Variants in PTPRT observed in about 807,000 individuals in gnomAD.
PTPRT encodes the protein protein tyrosine phosphatase receptor type T, also known as receptor-type tyrosine-protein phosphatase T.
A neutral mutation model predicts 176.8 loss-of-function variants in PTPRT; 56 were observed. That is an observed-to-expected ratio of 0.32 (90% CI 0.26 to 0.40). The LOEUF is 0.40. Ranked by LOEUF, PTPRT falls within the 10% of genes least tolerant of loss-of-function variation. The probability of loss-of-function intolerance (pLI) is 1.00; values close to 1 mark genes in which losing one functional copy is unlikely to be tolerated. For synonymous variants in PTPRT, 783 were observed against 739.0 expected, an observed-to-expected ratio of 1.06 and a Z score of -0.96; for missense variants, 1,540 against 1,908.2, an observed-to-expected ratio of 0.81 and a Z score of 3.60.
At chr20:42,108,915 CTGATGATAAACAAACATTTGCCATT>C (rs1986762221) in intron 23 of PTPRT, among the ~76,000 whole-genome samples, 1 of 152,142 alleles carries the variant, frequency 6.6e-6, no homozygotes, top group Non-Finnish European at 1.5e-5. Flanking sequence ...CGCCGAAGTC[CTGATGATAAACAAACATTTGCCATT>C]GTCTTTCTTT....
At chr20:42,717,278 AACAAG>A (rs1378946141) in intron 6 of PTPRT, among the ~76,000 whole-genome samples, 2 of 104,742 alleles carry the variant, frequency 1.9e-5, no homozygotes, top group Non-Finnish European at 4.4e-5. Flanking sequence ...CAATTAAGAC[AACAAG>A]ACATCAAAAT....
At chr20:42,110,579 C>T (rs965135108) in intron 22 of PTPRT, 92 bp from the exon 23 acceptor site, 2 of 1,377,796 alleles carry the variant, frequency 1.5e-6, no homozygotes, top group South Asian at 3.4e-5. Flanking sequence ...CACTGAGGAA[C>T]CTCCCGCAGG....
At chr20:42,862,486 G>A (rs943266067) in intron 2 of PTPRT, among the ~76,000 whole-genome samples, 3 of 152,128 alleles carry the variant, frequency 2.0e-5, no homozygotes, top group African/African-American at 7.2e-5. Flanking sequence ...GGAAGTTGGG[G>A]TCCACCTGCT....
chr20:42,429,051 T>C (rs140122269), intron 9 of PTPRT, among the ~76,000 whole-genome samples: 1 of 152,304 alleles, frequency 6.6e-6, no homozygotes, highest in African/African-American at 2.4e-5. Flanking sequence ...TGTGGCTAAC[T>C]AGTTAAGTGG....
chr20:42,056,507 C>T, the PTPRT span, among the ~76,000 whole-genome samples: 1 of 152,174 alleles, frequency 6.6e-6, no homozygotes, highest in Non-Finnish European at 1.5e-5. Flanking sequence ...CACCAAATAT[C>T]TTCTTTATGC....
intron 1 of PTPRT, among the ~76,000 whole-genome samples, chr20:43,174,884 C>T (rs2015089622): frequency 1.3e-5 from 2 of 152,144 alleles, no homozygotes; most frequent in South Asian, 2.1e-4. Context: ...TAATCTTTAT[C>T]AAAGATATCC....
At chr20:42,373,135 C>A (rs149590392) in intron 9 of PTPRT, among the ~76,000 whole-genome samples, 11 of 152,270 alleles carry the variant, frequency 7.2e-5, no homozygotes, top group South Asian at 4.1e-4. Flanking sequence ...GTATACATTG[C>A]GTTATTTACT....
intron 15 of PTPRT, among the ~76,000 whole-genome samples, chr20:42,206,695 G>C (rs1018678582): frequency 9.8e-5 from 15 of 152,330 alleles, no homozygotes; most frequent in Non-Finnish European, 1.6e-4. Flanking sequence ...AGGTGGCAGC[G>C]AGGCTGGGGG....
Position 42,573,520 on chromosome 20 carries a change from A to C in PTPRT, c.1154-100958T>G, listed in dbSNP as rs550025220. 2.9e-4 allele frequency among the ~76,000 whole-genome samples: 44 copies of C among 152,254 alleles called. 1 individual carries two copies. The highest frequency in any genetic ancestry group is 2.9e-3 in the Admixed American group (44 of 15,300). Reference sequence around the variant, plus strand: ...CATCTGTTGGTCTCAGACTGGGAGAAATTGTAGCCTGTAGCCCAAGTTTGA... The same window carrying C: ...CATCTGTTGGTCTCAGACTGGGAGACATTGTAGCCTGTAGCCCAAGTTTGA... On this transcript the variant is annotated intron_variant, in intron 7 of 30. Coordinates refer to ENST00000373187, the MANE Select transcript of PTPRT (RefSeq NM_007050.6).
At chr20:42,673,925 C>A (rs1391635970) in intron 7 of PTPRT, among the ~76,000 whole-genome samples, 1 of 152,100 alleles carries the variant, frequency 6.6e-6, no homozygotes, top group African/African-American at 2.4e-5. Flanking sequence ...CAATGCTTGC[C>A]TTTATGTTTT....
rs116315240 is a variant in PTPRT, at chr20:42,558,434, C to T, written c.1154-85872G>A. Among the ~76,000 whole-genome samples, 823 of 152,218 alleles carry T rather than the reference C, an allele frequency of 5.4e-3. 8 individuals carry two copies. The highest frequency in any genetic ancestry group is 0.018 in the African/African-American group (746 of 41,534). ...TGAATAGTGCTGCAATGAACATACA[C>T]ATGTATGTGTGTTTATAATACAATG... On this transcript the variant is annotated intron_variant, in intron 7 of 30. Transcript: ENST00000373187.
intron 2 of PTPRT, among the ~76,000 whole-genome samples, chr20:42,858,454 T>C (rs982673426): frequency 2.0e-5 from 3 of 152,166 alleles, no homozygotes; most frequent in Non-Finnish European, 2.9e-5. Context: ...AAAACTCGTA[T>C]GTTGAAACGC....
At chr20:43,172,074 C>T (rs2015015574) in intron 1 of PTPRT, among the ~76,000 whole-genome samples, 1 of 152,224 alleles carries the variant, frequency 6.6e-6, no homozygotes, top group Non-Finnish European at 1.5e-5. Context: ...CTCACTGAGG[C>T]TTCCCACTAG....
chr20:43,171,394 G>A (rs1184532865), intron 1 of PTPRT, among the ~76,000 whole-genome samples: 2 of 152,076 alleles, frequency 1.3e-5, no homozygotes, highest in African/African-American at 2.4e-5. Flanking sequence ...AACAAAATAC[G>A]GATGATTATG....
chr20:42,371,703 C>T (rs7263148), intron 9 of PTPRT, among the ~76,000 whole-genome samples: 1,815 of 152,274 alleles, frequency 0.012, 35 homozygotes, highest in African/African-American at 0.039. Flanking sequence ...GAAATTCTAC[C>T]ACTATATCAT....
intron 17 of PTPRT, among the ~76,000 whole-genome samples, chr20:42,156,216 C>T (rs1989343916): frequency 6.6e-6 from 1 of 152,164 alleles, no homozygotes; most frequent in Non-Finnish European, 1.5e-5. Context: ...TTAATGCATC[C>T]CACCCCCAAG....
At chr20:42,405,424 T>C (rs1256659952) in intron 9 of PTPRT, among the ~76,000 whole-genome samples, 2 of 152,126 alleles carry the variant, frequency 1.3e-5, no homozygotes, top group African/African-American at 2.4e-5. Flanking sequence ...TTCCCACCTA[T>C]GAGTGAGAAC....
chr20:42,662,076 G>T lies in PTPRT; in HGVS notation c.1153+15790C>A, dbSNP rs537297051. On this transcript the variant is annotated intron_variant, in intron 7 of 30. Coordinates refer to ENST00000373187, the MANE Select transcript of PTPRT (RefSeq NM_007050.6). ...GCAATGAGGATTTTTGGGGTTTAAT[G>T]GTGAGGAAGGCCTAGGGCCTAGGTA... 2.6e-5 allele frequency among the ~76,000 whole-genome samples: 4 copies of T among 152,248 alleles called. No homozygotes were observed. The South Asian group carries it at 8.3e-4, about 32-fold the overall frequency.
chr20:43,171,128 A>G (rs2014987567), intron 1 of PTPRT, among the ~76,000 whole-genome samples: 1 of 152,248 alleles, frequency 6.6e-6, no homozygotes, highest in African/African-American at 2.4e-5. Flanking sequence ...TGTGGCACAC[A>G]GAGGGTACTT....
Sources: allele counts gnomAD v4.1 joint callset (sites outside exome capture counted in the v4.1 genomes callset), GRCh38; gene constraint gnomAD v4.1.1; transcripts MANE v1.5; gene names NCBI Gene and HGNC (gene_info 2026-07-23, HGNC 2026-07-21).